Variants in SV2C observed in about 807,000 individuals in gnomAD.
The protein encoded by SV2C is synaptic vesicle glycoprotein 2C, also known as solute carrier family 22 member B3.
SV2C carries 49 observed loss-of-function variants against 79.7 expected under a neutral mutation model. The observed-to-expected ratio is 0.61, with a 90% CI of 0.49 to 0.78. The LOEUF (loss-of-function observed/expected upper bound fraction) is 0.78. Ranked by LOEUF, SV2C falls within the 30% of genes least tolerant of loss-of-function variation. SV2C has a pLI of 0.00. For missense variants in SV2C, 833 were observed against 912.9 expected, an observed-to-expected ratio of 0.91 and a Z score of 1.13; for synonymous variants, 334 against 333.2, an observed-to-expected ratio of 1.00 and a Z score of -0.03.
At chr5:76,225,168 T>G (rs1745200035) in intron 4 of SV2C, among the ~76,000 whole-genome samples, 1 of 152,222 alleles carries the variant, frequency 6.6e-6, no homozygotes, top group Non-Finnish European at 1.5e-5. Context: ...GAGTGTGATG[T>G]TGAAAGCTTG....
At chr5:76,211,643 C>T (rs1321209219) in intron 4 of SV2C, among the ~76,000 whole-genome samples, 3 of 152,202 alleles carry the variant, frequency 2.0e-5, no homozygotes, top group Non-Finnish European at 2.9e-5. Flanking sequence ...ATTCTTTGCT[C>T]ATTTTTTATT....
intron 2 of SV2C, among the ~76,000 whole-genome samples, chr5:76,147,617 C>T (rs1472867915): frequency 6.6e-6 from 1 of 152,090 alleles, no homozygotes; most frequent in Non-Finnish European, 1.5e-5. Flanking sequence ...TGGCTATGGC[C>T]GAATTAGGCT....
intron 10 of SV2C, among the ~76,000 whole-genome samples, chr5:76,300,111 G>A (rs575717021): frequency 6.6e-6 from 1 of 151,660 alleles, no homozygotes; most frequent in South Asian, 2.1e-4. Flanking sequence ...CATCCAGGCT[G>A]GAGTACAGTG....
At chr5:76,075,538 T>C in the SV2C span, 1 of 171,338 alleles carries the variant, frequency 5.8e-6, no homozygotes, top group Admixed American at 6.4e-5. Context: ...AAGATGGCAG[T>C]GGAGTCATGC....
rs907467625 is a variant in SV2C, at chr5:76,174,262, G to A, written c.581-20657G>A. 4.6e-5 allele frequency: 65 copies of A among 1,424,542 alleles called. 1 individual carries two copies. In the African/African-American group the frequency reaches 4.8e-4, roughly 11 times the overall value. The allele number at this position is 1,424,542 out of a possible 1,614,324, so 88.2% of individuals were successfully genotyped here. On this transcript the variant is annotated intron_variant, in intron 2 of 12. Coordinates refer to ENST00000502798, the MANE Select transcript of SV2C (RefSeq NM_014979.4). Reference sequence around the variant, plus strand: ...GTCTCTGCAGCCAGCGTCGCCCCGTGCTCCCCGCGGGTCGCTACTCTAGGC... The same window carrying A: ...GTCTCTGCAGCCAGCGTCGCCCCGTACTCCCCGCGGGTCGCTACTCTAGGC...
the SV2C span, chr5:75,920,957 C>G: frequency 2.8e-6 from 2 of 719,462 alleles, no homozygotes; most frequent in Non-Finnish European, 5.1e-6. Context: ...GATGGCCCGG[C>G]CCCTGAGGAG....
intron 2 of SV2C, among the ~76,000 whole-genome samples, chr5:76,145,581 A>G (rs570883092): frequency 2.0e-3 from 303 of 152,296 alleles, no homozygotes; most frequent in African/African-American, 7.1e-3. Context: ...AAAGAAGCTG[A>G]CGCCACATGA....
chr5:76,004,732 C>G, the SV2C span, among the ~76,000 whole-genome samples: 1 of 152,094 alleles, frequency 6.6e-6, no homozygotes, highest in Non-Finnish European at 1.5e-5. Context: ...TCTCTTGTTA[C>G]CTGCATGATG....
intron 2 of SV2C, among the ~76,000 whole-genome samples, chr5:76,177,155 A>G (rs1743559707): frequency 6.7e-6 from 1 of 148,800 alleles, no homozygotes; most frequent in South Asian, 2.1e-4. Context: ...AGAAGTGTAT[A>G]TATTTAATAA....
intron 4 of SV2C, among the ~76,000 whole-genome samples, chr5:76,247,579 GTTCT>G (rs1320614315): frequency 6.6e-6 from 1 of 152,196 alleles, no homozygotes; most frequent in African/African-American, 2.4e-5. Flanking sequence ...GGTAATGCCT[GTTCT>G]TTCTTCCAGT....
the SV2C span, among the ~76,000 whole-genome samples, chr5:76,065,150 T>C: frequency 6.6e-6 from 1 of 152,180 alleles, no homozygotes; most frequent in African/African-American, 2.4e-5. Context: ...AAGAACAAAA[T>C]ACTGATCTGA....
rs1743686174 is a variant in SV2C, at chr5:76,180,466, G to T, written c.581-14453G>T. On this transcript the variant is annotated intron_variant, in intron 2 of 12. Transcript: ENST00000502798. ...TATAGTCTATTACATCTGCGGCTGT[G>T]GTTTCAAGGCAATCATGTCCATATT... Among the ~76,000 whole-genome samples the T allele has an allele frequency of 2.0e-5, 3 of 152,278 alleles. No homozygotes were observed. In the South Asian group the frequency reaches 6.2e-4, roughly 32 times the overall value.
At chr5:75,936,803 C>T in the SV2C span, among the ~76,000 whole-genome samples, 2 of 152,186 alleles carry the variant, frequency 1.3e-5, no homozygotes, top group Non-Finnish European at 2.9e-5. Flanking sequence ...TTACGGCAAA[C>T]CCAATGGACA....
chr5:76,037,572 G>A, the SV2C span, among the ~76,000 whole-genome samples: 268 of 152,200 alleles, frequency 1.8e-3, 1 homozygote, highest in Middle Eastern at 3.4e-3. Context: ...GTCAGGGGTC[G>A]GGGACCCACT....
chr5:76,082,631 T>TCTC (rs1207530959), upstream of SV2C, among the ~76,000 whole-genome samples: 47 of 87,658 alleles, frequency 5.4e-4, no homozygotes, highest in African/African-American at 1.9e-3. Flanking sequence ...TATCTCTCTC[T>TCTC]CCACCCCCCC....
At chr5:75,888,810 T>C in the SV2C span, among the ~76,000 whole-genome samples, 3 of 152,150 alleles carry the variant, frequency 2.0e-5, no homozygotes, top group African/African-American at 7.2e-5. Context: ...CCCTATGCTA[T>C]ACCTAGAATC....
At chr5:75,968,193 A>G in the SV2C span, among the ~76,000 whole-genome samples, 2 of 152,188 alleles carry the variant, frequency 1.3e-5, no homozygotes, top group African/African-American at 4.8e-5. Context: ...ATCAAAGACC[A>G]AAGCCACAAA....
chr5:76,050,254 C>T, the SV2C span, among the ~76,000 whole-genome samples: 2 of 152,120 alleles, frequency 1.3e-5, no homozygotes, highest in Non-Finnish European at 2.9e-5. Context: ...TAAAGAGATG[C>T]TATAAATTGT....
At chr5:76,219,700 C>T (rs1409050380) in intron 4 of SV2C, among the ~76,000 whole-genome samples, 3 of 152,142 alleles carry the variant, frequency 2.0e-5, no homozygotes, top group South Asian at 2.1e-4. Context: ...ACCCAAAAGA[C>T]GTCTATTTAC....
Sources: allele counts gnomAD v4.1 joint callset (sites outside exome capture counted in the v4.1 genomes callset), GRCh38; gene constraint gnomAD v4.1.1; transcripts MANE v1.5; gene names NCBI Gene and HGNC (gene_info 2026-07-23, HGNC 2026-07-21).